Variants in PIK3CD observed in about 807,000 individuals in gnomAD.
PIK3CD encodes the protein phosphatidylinositol 4,5-bisphosphate 3-kinase catalytic subunit delta isoform.
Under a neutral mutation model 122.9 loss-of-function variants are expected in PIK3CD, and 20 were observed. The ratio of observed to expected loss-of-function variants is 0.16; its 90% CI spans 0.11 to 0.24. The LOEUF (loss-of-function observed/expected upper bound fraction) is 0.24, where lower values mean the gene tolerates loss of function less well. PIK3CD is among the 10% of genes least tolerant of loss of function. The probability of loss-of-function intolerance (pLI) is 1.00; values close to 1 mark genes in which losing one functional copy is unlikely to be tolerated. For missense variants in PIK3CD, 787 were observed against 1,406.3 expected, an observed-to-expected ratio of 0.56 and a Z score of 7.04; for synonymous variants, 596 against 593.4, an observed-to-expected ratio of 1.00 and a Z score of -0.06.
intron 3 of PIK3CD, among the ~76,000 whole-genome samples, chr1:9,713,200 T>C (rs1647126477): frequency 1.3e-5 from 2 of 151,580 alleles, no homozygotes; most frequent in East Asian, 3.9e-4. Flanking sequence ...AAAATCAGCC[T>C]GTGTGGTGGC....
In PIK3CD at chr1:9,723,376, CG is replaced by C; in HGVS notation, c.2594+88del. 1 of 1,408,746 alleles carries C rather than the reference CG, an allele frequency of 7.1e-7. No homozygotes were observed. 87.3% of individuals were successfully genotyped at this position (1,408,746 alleles called of 1,614,324 possible). A position where few individuals can be genotyped will look rare whatever the true frequency, so the allele number is the denominator to read the frequency against. ...GGCCTCGCCTGTCAGAACAAAGGAG[CG>C]GGGAGGGGCCTCAGACCATCTTTGT... On this transcript the variant is annotated intron_variant, in intron 20 of 23. Transcript: ENST00000377346. The surrounding 1 kb of genome is among the most constrained non-coding windows in gnomAD (Gnocchi z 4.9).
chr1:9,718,930 C>T lies in PIK3CD; in HGVS notation c.1242+15C>T, dbSNP rs372679083. ...CCAAGAAGGCGGTGGGTCCCAGGGC[C>T]GGCTGGGAGGGGTGCAGACCCCGGA... On this transcript the variant is annotated intron_variant, in intron 9 of 23. Coordinates refer to ENST00000377346, the MANE Select transcript of PIK3CD (RefSeq NM_005026.5). The surrounding 1 kb of genome is among the most constrained non-coding windows in gnomAD (Gnocchi z 7.2). 1.7e-4 allele frequency: 273 copies of T among 1,608,800 alleles called. No individual in the cohort carries two copies. The highest frequency in any genetic ancestry group is 3.2e-4 in the African/African-American group (24 of 74,960).
chr1:9,686,508 ACT>A (rs1278747195), intron 1 of PIK3CD, among the ~76,000 whole-genome samples: 1 of 149,782 alleles, frequency 6.7e-6, no homozygotes, highest in Admixed American at 6.7e-5. Context: ...GCCTTAATTT[ACT>A]CTGATTTTTC....
At chr1:9,676,828 C>G (rs1450982982) in intron 1 of PIK3CD, among the ~76,000 whole-genome samples, 1 of 152,160 alleles carries the variant, frequency 6.6e-6, no homozygotes, top group Non-Finnish European at 1.5e-5. Context: ...GCCGCTGTAG[C>G]CTTGAAGATG....
intron 1 of PIK3CD, chr1:9,662,410 G>A (rs1247066860): frequency 6.1e-6 from 1 of 165,180 alleles, no homozygotes; most frequent in South Asian, 1.7e-4. Flanking sequence ...CCCTGCACTC[G>A]TTCAGTGTAG....
chr1:9,715,815 C>T lies in PIK3CD; in HGVS notation c.371-34C>T, dbSNP rs1387461263. 96 of 1,611,402 alleles carry T rather than the reference C, an allele frequency of 6.0e-5. No individual in the cohort carries two copies. The highest frequency in any genetic ancestry group is 7.6e-5 in the Non-Finnish European group (90 of 1,178,928). On this transcript the variant is annotated intron_variant, in intron 4 of 23. Coordinates refer to ENST00000377346, the MANE Select transcript of PIK3CD (RefSeq NM_005026.5). This position sits in a 1 kb window ranked among gnomAD's most constrained non-coding sequence, Gnocchi z 4.1. ...GTGTGGCCGGGCTGGCCCTGCCTGC[C>T]CCACCCGCTGACCCAGCCCTCCCCA...
chr1:9,663,030 G>A, intron 1 of PIK3CD, among the ~76,000 whole-genome samples: 1 of 152,182 alleles, frequency 6.6e-6, no homozygotes, highest in East Asian at 1.9e-4. Flanking sequence ...TGCGGAGGCT[G>A]TCTCTCTGTC....
At chr1:9,640,824 G>A in the PIK3CD span, among the ~76,000 whole-genome samples, 4 of 151,890 alleles carry the variant, frequency 2.6e-5, no homozygotes, top group South Asian at 2.1e-4. Context: ...GCCCCCTCCC[G>A]CATCCTCCTT....
At chr1:9,712,762 A>C (rs975042051) in intron 3 of PIK3CD, among the ~76,000 whole-genome samples, 3 of 151,952 alleles carry the variant, frequency 2.0e-5, no homozygotes, top group Non-Finnish European at 2.9e-5. Flanking sequence ...AAGGCCTGGC[A>C]TGGTGGCTCA....
chr1:9,629,826 G>A, the PIK3CD span, among the ~76,000 whole-genome samples: 17 of 152,194 alleles, frequency 1.1e-4, no homozygotes, highest in Non-Finnish European at 2.2e-4. Flanking sequence ...GTAAGGCTGC[G>A]GTGCACGGGC....
upstream of PIK3CD, among the ~76,000 whole-genome samples, chr1:9,647,867 T>A (rs1471309579): frequency 6.6e-6 from 1 of 152,162 alleles, no homozygotes; most frequent in Non-Finnish European, 1.5e-5. Flanking sequence ...AGAGTGTTTA[T>A]GGATGTAAAA....
chr1:9,712,375 G>A (rs778024031), intron 3 of PIK3CD, among the ~76,000 whole-genome samples: 28 of 151,956 alleles, frequency 1.8e-4, no homozygotes, highest in Non-Finnish European at 3.5e-4. Context: ...CCGCCTCCCA[G>A]GTTCAAGCAA....
At chr1:9,653,844 C>G in intron 1 of PIK3CD, 1 of 1,367,584 alleles carries the variant, frequency 7.3e-7, no homozygotes, top group South Asian at 1.1e-5. Context: ...GCTTCCTGGG[C>G]TTGGTCCTCT....
At chr1:9,671,393 C>A (rs1283369533) in intron 1 of PIK3CD, among the ~76,000 whole-genome samples, 1 of 152,206 alleles carries the variant, frequency 6.6e-6, no homozygotes, top group Non-Finnish European at 1.5e-5. Context: ...GCCACCAGGC[C>A]TGGCCTGTCC....
rs1038074125 is a variant in PIK3CD, at chr1:9,724,993, G to A, written c.2997+57G>A. 6.2e-7 allele frequency: 1 copy of A among 1,604,562 alleles called. No homozygotes were observed. The highest frequency in any genetic ancestry group is 8.5e-7 in the Non-Finnish European group (1 of 1,175,914). ...GTGGACTTCCAAGGCCTGCCCCCGA[G>A]CAATGTGACCTAGGAGGGCCCTGAA... On this transcript the variant is annotated intron_variant, in intron 23 of 23. Transcript: ENST00000377346. This position sits in a 1 kb window ranked among gnomAD's most constrained non-coding sequence, Gnocchi z 7.3.
rs2100982967 is a variant in PIK3CD, at chr1:9,722,626, A to G, written c.2426+20A>G. The G allele has an allele frequency of 6.2e-7, 1 of 1,600,702 alleles. No homozygotes were observed. Among genetic ancestry groups the G allele is most frequent in the Non-Finnish European group, 8.6e-7 (1 of 1,168,226 alleles). ...CCTGAGGTGAGGACCCCCACCCCAC[A>G]TCGTCCCTTGGTGTCTGTGCCCAGC... On this transcript the variant is annotated intron_variant, in intron 19 of 23. Transcript: ENST00000377346. The surrounding 1 kb of genome is among the most constrained non-coding windows in gnomAD (Gnocchi z 7.6).
chr1:9,718,737 G>T lies in PIK3CD; in HGVS notation c.1064G>T (p.Cys355Phe). 6.2e-7 allele frequency: 1 copy of T among 1,608,562 alleles called. No homozygotes were observed. Residue 355 changes from cysteine to phenylalanine, a missense_variant, in exon 9 of 24, where the codon TGC becomes TTC. Cys to Phe is a radical substitution (Grantham distance 205, BLOSUM62 -2). Coordinates refer to ENST00000377346, the MANE Select transcript of PIK3CD (RefSeq NM_005026.5). The surrounding 1 kb of genome is among the most constrained non-coding windows in gnomAD (Gnocchi z 7.2). Reference sequence around the variant, plus strand: ...CTTTTCCACGGCAACGAGATGCTGTGCAAGACGGTGTCCAGCTCGGAGGTG... The same window carrying T: ...CTTTTCCACGGCAACGAGATGCTGTTCAAGACGGTGTCCAGCTCGGAGGTG... ...AGLFHGNEMLCKTVSSSEVSV... is the reference protein window; with the variant it reads ...AGLFHGNEMLFKTVSSSEVSV...
In PIK3CD at chr1:9,721,212, T is replaced by C. The variant is rs776226369; in HGVS notation, c.1775T>C (p.Val592Ala). The change falls in exon 14 of 24, where the codon GTA becomes GCA. Residue 592 changes from valine to alanine, a missense_variant. By Grantham distance (64) the Val-to-Ala change is moderately conservative. Around this residue, in one of 6 missense-constraint regions of PIK3CD, gnomAD observed 592 missense variants for 920.6 expected, o/e 0.64. Coordinates refer to ENST00000377346, the MANE Select transcript of PIK3CD (RefSeq NM_005026.5). The part of the protein sequence containing the change: ...LLDFSFPDCH[V>A]GSFAIKSLRK... Reference sequence around the variant, plus strand: ...GACTTCAGCTTCCCCGATTGCCACGTAGGCTCCTTCGCCATCAAGTCGCTG... The same window carrying C: ...GACTTCAGCTTCCCCGATTGCCACGCAGGCTCCTTCGCCATCAAGTCGCTG... 8.1e-6 allele frequency: 13 copies of C among 1,613,452 alleles called. No homozygotes were observed. Among genetic ancestry groups the C allele is most frequent in the Non-Finnish European group, 1.1e-5 (13 of 1,179,990 alleles).
upstream of PIK3CD, among the ~76,000 whole-genome samples, chr1:9,647,092 C>G (rs990730614): frequency 6.6e-6 from 1 of 150,464 alleles, no homozygotes; most frequent in Non-Finnish European, 1.5e-5. Context: ...GCCTTGGTTA[C>G]AAAAGTGAGA....
Sources: gnomAD v4.1 joint callset for allele counts (sites outside exome capture counted in the v4.1 genomes callset) on GRCh38, gnomAD v4.1.1 for gene constraint, gnomAD v4.1.1 regional missense constraint, Gnocchi (gnomAD v3.1) non-coding constraint, MANE v1.5 for transcripts, NCBI Gene and HGNC (gene_info 2026-07-23, HGNC 2026-07-21) for gene names.